BAZ2B: variants seen among roughly 807,000 people sequenced by gnomAD.
BAZ2B encodes bromodomain adjacent to zinc finger domain 2B.
BAZ2B carries 91 observed loss-of-function variants against 246.0 expected under a neutral mutation model. The ratio of observed to expected loss-of-function variants is 0.37; its 90% confidence interval spans 0.31 to 0.44. The LOEUF is 0.44. BAZ2B is among the 20% of genes least tolerant of loss of function. BAZ2B has a pLI of 1.00. For missense variants in BAZ2B, 2,332 were observed against 2,533.7 expected (o/e 0.92, Z 1.71); for synonymous variants, 855 against 860.0 (o/e 0.99, Z 0.10).
At chr2:159,465,234 G>A (rs2076897758) in intron 3 of BAZ2B, among the ~76,000 whole-genome samples, 1 of 152,134 alleles carries the variant, frequency 6.6e-6, no homozygotes, top group Non-Finnish European at 1.5e-5. Context: ...TGTGCTTCCT[G>A]CTGTGCATGT....
intron 2 of BAZ2B, among the ~76,000 whole-genome samples, chr2:159,486,030 C>T (rs1021598726): frequency 3.3e-5 from 5 of 151,918 alleles, no homozygotes; most frequent in Middle Eastern, 6.8e-3. Context: ...GTGGGGAAGA[C>T]GTTATCCTAA....
intron 2 of BAZ2B, among the ~76,000 whole-genome samples, chr2:159,496,022 G>A (rs1173425272): frequency 2.0e-5 from 3 of 150,872 alleles, no homozygotes; most frequent in African/African-American, 7.3e-5. Flanking sequence ...GCCTGCCTCG[G>A]CCTCCCAAAG....
chr2:159,504,765 T>C (rs1364688723), intron 2 of BAZ2B, among the ~76,000 whole-genome samples: 1 of 152,198 alleles, frequency 6.6e-6, no homozygotes, highest in Non-Finnish European at 1.5e-5. Context: ...GCAAATAGGG[T>C]TCTACTCAGC....
chr2:159,386,670 CG>C, intron 21 of BAZ2B, 63 bp from the exon 22 acceptor site: 1 of 1,464,468 alleles, frequency 6.8e-7, no homozygotes, highest in Non-Finnish European at 9.1e-7. Context: ...GCCATGATTT[CG>C]TATCTTCTAA....
intron 1 of BAZ2B, among the ~76,000 whole-genome samples, chr2:159,599,381 G>A (rs1691530264): frequency 6.6e-6 from 1 of 152,074 alleles, no homozygotes; most frequent in South Asian, 2.1e-4. Context: ...CACTTTGGAA[G>A]GCTGAGGCAG....
the BAZ2B span, among the ~76,000 whole-genome samples, chr2:159,705,179 T>A: frequency 6.6e-6 from 1 of 151,930 alleles, no homozygotes; most frequent in African/African-American, 2.4e-5. Context: ...TGCCATAACA[T>A]CTGGCTAATT....
At chr2:159,429,375 T>C (rs755678214) in intron 10 of BAZ2B, 115 bp from the exon 11 acceptor site, 11 of 561,306 alleles carry the variant, frequency 2.0e-5, no homozygotes, top group Non-Finnish European at 2.6e-5. Flanking sequence ...ATTTAGTGTA[T>C]TTCTGTAATT....
At chr2:159,425,533 T>C (rs1028190928) in intron 13 of BAZ2B, among the ~76,000 whole-genome samples, 1 of 152,160 alleles carries the variant, frequency 6.6e-6, no homozygotes, top group Admixed American at 6.5e-5. Context: ...AGACACAACA[T>C]GCAAAAAATG....
chr2:159,527,794 T>C (rs1460851513), intron 2 of BAZ2B, among the ~76,000 whole-genome samples: 1 of 152,188 alleles, frequency 6.6e-6, no homozygotes, highest in East Asian at 1.9e-4. Flanking sequence ...AATATATATT[T>C]TTATTTCACT....
chr2:159,414,545 G>C (rs7564537), intron 13 of BAZ2B, among the ~76,000 whole-genome samples: 1 of 151,966 alleles, frequency 6.6e-6, no homozygotes, highest in South Asian at 2.1e-4. Context: ...GGCCGGGCGC[G>C]GTGGCCCACG....
At chr2:159,631,243 G>T in the BAZ2B span, among the ~76,000 whole-genome samples, 2 of 152,096 alleles carry the variant, frequency 1.3e-5, no homozygotes, top group African/African-American at 4.8e-5. Context: ...ATATGTTGGT[G>T]TTTTTGGGAA....
chr2:159,580,488 G>A (rs1686485499), intron 1 of BAZ2B, among the ~76,000 whole-genome samples: 1 of 152,102 alleles, frequency 6.6e-6, no homozygotes, highest in Non-Finnish European at 1.5e-5. Context: ...TGGCCATACT[G>A]CCCAAGGTAA....
At chr2:159,557,919 T>TA (rs966580940) in intron 1 of BAZ2B, among the ~76,000 whole-genome samples, 25 of 147,036 alleles carry the variant, frequency 1.7e-4, no homozygotes, top group Admixed American at 9.5e-4. Flanking sequence ...TTGGGAAGCT[T>TA]AAAAAAAAAA....
At chr2:159,345,383 A>T (rs1263204043) in intron 31 of BAZ2B, among the ~76,000 whole-genome samples, 5 of 152,196 alleles carry the variant, frequency 3.3e-5, no homozygotes, top group Non-Finnish European at 7.3e-5. Flanking sequence ...TGAATATGCT[A>T]ATTACTCTGA....
At chr2:159,320,714 C>T (rs184229275) in intron 36 of BAZ2B, among the ~76,000 whole-genome samples, 1 of 152,296 alleles carries the variant, frequency 6.6e-6, no homozygotes, top group East Asian at 1.9e-4. Context: ...CTGTATCACA[C>T]AATTCTGTCA....
chr2:159,340,570 A>C (rs979360080), intron 31 of BAZ2B, among the ~76,000 whole-genome samples: 3 of 152,112 alleles, frequency 2.0e-5, no homozygotes, highest in African/African-American at 7.2e-5. Flanking sequence ...CATTAGACTA[A>C]CATTGGATTT....
At chr2:159,483,723 G>A (rs987834924) in intron 2 of BAZ2B, among the ~76,000 whole-genome samples, 6 of 152,134 alleles carry the variant, frequency 3.9e-5, no homozygotes, top group African/African-American at 1.4e-4. Context: ...GGATATTGCA[G>A]TGAGCCAAGG....
the BAZ2B span, among the ~76,000 whole-genome samples, chr2:159,631,334 T>C: frequency 6.6e-6 from 1 of 152,242 alleles, no homozygotes; most frequent in East Asian, 1.9e-4. Context: ...TTATATTTTA[T>C]ACTTAAAAAT....
chr2:159,331,453 C>T (rs551369838), intron 34 of BAZ2B, among the ~76,000 whole-genome samples: 3 of 152,294 alleles, frequency 2.0e-5, no homozygotes, highest in South Asian at 2.1e-4. Flanking sequence ...CTGCAACCTC[C>T]ACCTCTGAGG....
Sources: allele counts gnomAD v4.1 joint callset (sites outside exome capture counted in the v4.1 genomes callset), GRCh38; gene constraint gnomAD v4.1.1; transcripts MANE v1.5; gene names NCBI Gene and HGNC (gene_info 2026-07-23, HGNC 2026-07-21).